Variants in BRD4 observed in about 807,000 individuals in gnomAD.
BRD4 encodes bromodomain containing 4.
In BRD4, 16 loss-of-function variants were observed where a neutral mutation model predicts 142.1. The ratio of observed to expected loss-of-function variants is 0.11; its 90% CI spans 0.08 to 0.17. The LOEUF is 0.17. Ranked by LOEUF, BRD4 falls within the 10% of genes least tolerant of loss-of-function variation. The pLI, the probability that BRD4 is intolerant of heterozygous loss-of-function variation, is 1.00. For synonymous variants in BRD4, 833 were observed against 707.5 expected (o/e 1.18, Z -2.82); for missense variants, 1,424 against 1,810.9 (o/e 0.79, Z 3.88).
At chr19:15,316,770 C>T (rs769678092) in intron 1 of BRD4, among the ~76,000 whole-genome samples, 2 of 152,172 alleles carry the variant, frequency 1.3e-5, no homozygotes, top group Non-Finnish European at 2.9e-5. Flanking sequence ...GAAAAGGAGA[C>T]CTGTCCAGTC....
intron 1 of BRD4, among the ~76,000 whole-genome samples, chr19:15,299,087 G>A (rs552878419): frequency 8.5e-5 from 13 of 152,302 alleles, no homozygotes; most frequent in Middle Eastern, 3.4e-3. Flanking sequence ...GCTGCCCACC[G>A]GGGTGGCTAG....
At chr19:15,304,898 T>C (rs1287126561) in intron 1 of BRD4, among the ~76,000 whole-genome samples, 2 of 152,166 alleles carry the variant, frequency 1.3e-5, no homozygotes. Context: ...GGGCATGAAT[T>C]GGAAGGGCAA....
intron 11 of BRD4, chr19:15,245,139 A>C (rs2145519413): frequency 3.4e-6 from 1 of 297,236 alleles, no homozygotes; most frequent in East Asian, 8.7e-5. Context: ...TTTTCCAACA[A>C]CCTGTGATGG....
In BRD4 at chr19:15,247,642, A is replaced by C. The variant is rs989890292; in HGVS notation, c.2159-2880T>G. 3.9e-5 allele frequency: 9 copies of C among 233,104 alleles called. No individual in the cohort carries two copies. The Admixed American group carries it at 4.5e-4, about 12-fold the overall frequency. The allele number at this position is 233,104 out of a possible 1,614,324, so 14.4% of individuals were successfully genotyped here. On this transcript the variant is annotated intron_variant, in intron 11 of 19. Transcript: ENST00000679869. ...GCTGCCATTTGGTCCAAGAAAGCAG[A>C]ATCTTCCCAGAAAGACAATGCCAGC... is the stretch of plus-strand genomic sequence containing the variant.
At chr19:15,274,984 C>G (rs2047630429) in intron 1 of BRD4, among the ~76,000 whole-genome samples, 1 of 152,038 alleles carries the variant, frequency 6.6e-6, no homozygotes, top group Non-Finnish European at 1.5e-5. Flanking sequence ...TCAGCCTCCC[C>G]AGTAGCTAGG....
chr19:15,329,193 ACT>A (rs2048135773), intron 1 of BRD4, among the ~76,000 whole-genome samples: 1 of 151,360 alleles, frequency 6.6e-6, no homozygotes, highest in African/African-American at 2.4e-5. Context: ...GCAAATGTAC[ACT>A]CTTTTCTAGA....
chr19:15,272,113 C>G (rs1008643429), intron 2 of BRD4, among the ~76,000 whole-genome samples: 1 of 152,176 alleles, frequency 6.6e-6, no homozygotes, highest in Admixed American at 6.5e-5. Flanking sequence ...CCCTGAGGTT[C>G]AGCTGGAGAT....
chr19:15,316,775 C>G (rs1371403403), intron 1 of BRD4, among the ~76,000 whole-genome samples: 1 of 152,182 alleles, frequency 6.6e-6, no homozygotes, highest in Non-Finnish European at 1.5e-5. Flanking sequence ...GGAGACCTGT[C>G]CAGTCAGCAT....
chr19:15,279,040 C>T (rs1019910407), intron 1 of BRD4, among the ~76,000 whole-genome samples: 1 of 152,144 alleles, frequency 6.6e-6, no homozygotes, highest in Non-Finnish European at 1.5e-5. Context: ...GGGGTTTCTC[C>T]ATGTTGGTCA....
chr19:15,242,029 T>C (rs1212150706), intron 14 of BRD4, among the ~76,000 whole-genome samples: 3 of 152,098 alleles, frequency 2.0e-5, no homozygotes, highest in Non-Finnish European at 4.4e-5. Context: ...GTCAGGCTGG[T>C]CTTGAAACTC....
chr19:15,314,225 G>A (rs1480885831), intron 1 of BRD4, among the ~76,000 whole-genome samples: 21 of 152,160 alleles, frequency 1.4e-4, no homozygotes, highest in Admixed American at 1.4e-3. Context: ...AATGGAGGAC[G>A]TGAGGGTGTG....
chr19:15,275,341 TG>T (rs1441969679), intron 1 of BRD4, among the ~76,000 whole-genome samples: 12 of 152,332 alleles, frequency 7.9e-5, no homozygotes, highest in African/African-American at 2.9e-4. Context: ...ACATTGCTTC[TG>T]GCCTCATCCC....
intron 1 of BRD4, among the ~76,000 whole-genome samples, chr19:15,281,899 T>C (rs918353495): frequency 6.6e-6 from 1 of 152,128 alleles, no homozygotes; most frequent in African/African-American, 2.4e-5. Flanking sequence ...GCACCTGTAG[T>C]CCCAGCTACT....
chr19:15,306,938 G>A (rs1287331941), intron 1 of BRD4, among the ~76,000 whole-genome samples: 1 of 152,128 alleles, frequency 6.6e-6, no homozygotes. Flanking sequence ...AAATGGCACT[G>A]ATAAAAGACT....
chr19:15,305,614 G>A (rs1471273341), intron 1 of BRD4, among the ~76,000 whole-genome samples: 2 of 152,212 alleles, frequency 1.3e-5, no homozygotes, highest in Admixed American at 6.5e-5. Context: ...ACAGAGCACA[G>A]GCAGAGTAGA....
intron 1 of BRD4, among the ~76,000 whole-genome samples, chr19:15,314,437 G>A (rs1420010720): frequency 6.6e-6 from 1 of 152,134 alleles, no homozygotes; most frequent in Non-Finnish European, 1.5e-5. Flanking sequence ...TCACTAATCT[G>A]TGTTCTTACT....
chr19:15,300,998 T>G (rs2047862501), intron 1 of BRD4, among the ~76,000 whole-genome samples: 1 of 152,198 alleles, frequency 6.6e-6, no homozygotes, highest in Admixed American at 6.5e-5. Context: ...AGCAGCTTCA[T>G]TAAGAATCAC....
intron 11 of BRD4, chr19:15,253,310 A>T: frequency 1.8e-6 from 1 of 567,384 alleles, no homozygotes; most frequent in Non-Finnish European, 3.1e-6. Context: ...CAGCCTGAGC[A>T]TCTGCGCCCC....
chr19:15,299,119 T>G (rs759307519), intron 1 of BRD4, among the ~76,000 whole-genome samples: 4 of 152,146 alleles, frequency 2.6e-5, no homozygotes, highest in Non-Finnish European at 5.9e-5. Context: ...TTTGTAGAAA[T>G]AGGCAGTGTC....
Sources: gnomAD v4.1 joint callset for allele counts (sites outside exome capture counted in the v4.1 genomes callset) on GRCh38, gnomAD v4.1.1 for gene constraint, MANE v1.5 for transcripts, NCBI Gene and HGNC (gene_info 2026-07-23, HGNC 2026-07-21) for gene names.